The following DGKQ variants were observed in gnomAD, a reference collection of about 807,000 sequenced individuals.
The protein encoded by DGKQ is diacylglycerol kinase theta, also known as DAG kinase theta.
In DGKQ, 97 loss-of-function variants were observed where a neutral mutation model predicts 104.2. That is an observed-to-expected ratio of 0.93 (90% CI 0.79 to 1.10). DGKQ has a LOEUF of 1.10. Among genes scored for constraint, DGKQ ranks in the 50% least tolerant of loss-of-function variants. The pLI is 0.00. For missense variants in DGKQ, 1,465 were observed against 1,352.1 expected (o/e 1.08, Z -1.31); for synonymous variants, 736 against 595.2 (o/e 1.24, Z -3.44).
Position 961,078 on chromosome 4 carries a change from G to A in DGKQ, c.2698C>T (p.His900Tyr), listed in dbSNP as rs201491669. The change falls in exon 22 of 23, where the codon CAC (histidine) becomes TAC (tyrosine). Residue 900 changes from histidine (H) to tyrosine (Y), a missense_variant. His to Tyr is a moderately conservative substitution (Grantham distance 83). Coordinates refer to ENST00000273814, the MANE Select transcript of DGKQ (RefSeq NM_001347.4). ...DGEPWVQAPGHMIISAAGPKV... is the reference protein window; with the variant it reads ...DGEPWVQAPGYMIISAAGPKV... ...GGGCCAGCAGCTGAGATGATCATGT[G>A]CCCCGGGGCCTGGACCCAGGGCTCC... The A allele has an allele frequency of 2.7e-5, 44 of 1,612,186 alleles. No homozygotes were observed. Among genetic ancestry groups the A allele is most frequent in the Non-Finnish European group, 2.3e-5 (27 of 1,179,646 alleles).
In DGKQ at chr4:967,637, A is replaced by G; in HGVS notation, c.899T>C (p.Leu300Pro). ...CGCGTCGTCGCCATCAAAGATCTTC[A>G]GCGTTTGCTTCCCTGGGCCGGGTAA... Reference protein sequence around the residue: ...QATPESGKQTLKIFDGDDAVR... With the variant: ...QATPESGKQTPKIFDGDDAVR... The change falls in exon 8 of 23, where the codon CTG (leucine) becomes CCG (proline). Residue 300 changes from leucine to proline, a missense_variant. Transcript: ENST00000273814. The G allele has an allele frequency of 1.2e-6, 2 of 1,612,462 alleles. No homozygotes were observed. Among genetic ancestry groups the G allele is most frequent in the South Asian group, 1.1e-5 (1 of 91,072 alleles).
rs562058848 is a variant in DGKQ, at chr4:973,538, C to T, written c.-56G>A. 2.1e-3 allele frequency: 2,046 copies of T among 985,218 alleles called. 2 individuals are homozygous for T. Among genetic ancestry groups the T allele is most frequent in the Middle Eastern group, 8.3e-3 (16 of 1,922 alleles). The allele number at this position is 985,218 out of a possible 1,614,324, so 61.0% of individuals were successfully genotyped here. ...GTCCGCGCCGGGGGTACAGGAGCCG[C>T]CGCTCCACGGCCCGGTACACTGCTT... On this transcript the variant is annotated 5_prime_UTR_variant, in exon 1 of 23. Transcript: ENST00000273814.
intron 15 of DGKQ, 38 bp downstream of exon 15, chr4:965,138 C>A: frequency 1.3e-6 from 2 of 1,579,862 alleles, no homozygotes; most frequent in Non-Finnish European, 1.7e-6. Context: ...TGGCCACCCC[C>A]TGGGGTGTGT....
Position 966,447 on chromosome 4 carries a change from G to T in DGKQ, c.1428+19C>A. The T allele has an allele frequency of 1.9e-6, 3 of 1,610,866 alleles. No homozygotes were observed. The highest frequency in any genetic ancestry group is 2.5e-6 in the Non-Finnish European group (3 of 1,178,616). ...GAGGGCTGCTGGTTCCCTGGGGGCC[G>T]GCGTCCACACCCACTCACCTGCCGG... On this transcript the variant is annotated intron_variant, in intron 12 of 22. Coordinates refer to ENST00000273814, the MANE Select transcript of DGKQ (RefSeq NM_001347.4).
Position 959,379 on chromosome 4 carries a change from C to T in DGKQ, c.*1241G>A, listed in dbSNP as rs1711690985. On this transcript the variant is annotated 3_prime_UTR_variant, in exon 23 of 23. Coordinates refer to ENST00000273814, the MANE Select transcript of DGKQ (RefSeq NM_001347.4). ...GAAGGGGGAGATCCGCACCGTGGGA[C>T]CGTTTCTCGTGGGGGAGTCGGGGCT... The T allele has an allele frequency of 6.8e-6, 1 of 146,370 alleles. No homozygotes were observed. Among genetic ancestry groups the T allele is most frequent in the Admixed American group, 7.0e-5 (1 of 14,214 alleles). The allele number at this position is 146,370 out of a possible 1,614,324, so 9.1% of individuals were successfully genotyped here. A position where few individuals can be genotyped will look rare whatever the true frequency, so the allele number is the denominator to read the frequency against.
intron 15 of DGKQ, among the ~76,000 whole-genome samples, 197 bp downstream of exon 15, chr4:964,979 G>A (rs1712187671): frequency 6.6e-6 from 1 of 152,190 alleles, no homozygotes; most frequent in African/African-American, 2.4e-5. Context: ...GCCCCTTGCT[G>A]TAAAACGGGC....
chr4:972,306 G>A (rs1472438851), intron 1 of DGKQ, among the ~76,000 whole-genome samples: 3 of 152,174 alleles, frequency 2.0e-5, no homozygotes, highest in African/African-American at 4.8e-5. Context: ...ATGCTCTGAC[G>A]TGACAAAGAA....
Position 973,228 on chromosome 4 carries a change from G to A in DGKQ, c.255C>T (p.Ala85=). 1.3e-6 allele frequency: 2 copies of A among 1,561,824 alleles called. No homozygotes were observed. Among genetic ancestry groups the A allele is most frequent in the South Asian group, 1.2e-5 (1 of 85,806 alleles). ...GGCGCTCACCGTCGCACAGGAAGCCGGCCAGCCCCCAGATGAAGTCGGAGC... is the reference window on the plus strand; with the variant it reads ...GGCGCTCACCGTCGCACAGGAAGCCAGCCAGCCCCCAGATGAAGTCGGAGC... ...HLCSDFIWGL[A]GFLCDVCNFM... is the part of the protein sequence containing the mutation. Residue 85 remains alanine (A), a synonymous_variant, in exon 1 of 23, where the codon GCC becomes GCT. Transcript: ENST00000273814.
Position 967,991 on chromosome 4 carries a change from A to G in DGKQ, c.700T>C (p.Cys234Arg). The G allele has an allele frequency of 6.8e-7, 1 of 1,468,044 alleles. No individual in the cohort carries two copies. Among genetic ancestry groups the G allele is most frequent in the Non-Finnish European group, 8.9e-7 (1 of 1,118,604 alleles). 90.9% of individuals were successfully genotyped at this position (1,468,044 alleles called of 1,614,324 possible). ...SLCSAALAPE[C>R]GFGRLRSLVL... ...AGGGAGCGCAGACGCCCGAAGCCAC[A>G]CTCGGGAGCCAGCGCCGCGGAGCAG... is the stretch of plus-strand genomic sequence containing the variant. Residue 234 changes from cysteine to arginine, a missense_variant, in exon 6 of 23, where the codon TGT (cysteine) becomes CGT (arginine). Physicochemically the swap from Cys to Arg is radical, Grantham distance 180 (BLOSUM62 -3). Coordinates refer to ENST00000273814, the MANE Select transcript of DGKQ (RefSeq NM_001347.4).
Position 962,908 on chromosome 4 carries a change from G to A in DGKQ, c.1899C>T (p.Phe633=), listed in dbSNP as rs778059808. The stretch of plus-strand genomic sequence containing the variant: ...GCACCCGGAAGCAGGGCACCTGGGA[G>A]AACAGGTGGAGCCTAGCGGGAGACA... ...NGGPLPGLHL[F]SQVPCFRVLV... Residue 633 remains phenylalanine, a synonymous_variant, in exon 17 of 23, where the codon TTC becomes TTT. Transcript: ENST00000273814. 3 of 1,608,912 alleles carry A rather than the reference G, an allele frequency of 1.9e-6. No individual in the cohort carries two copies. The highest frequency in any genetic ancestry group is 1.7e-6 in the Non-Finnish European group (2 of 1,178,302).
Position 966,735 on chromosome 4 carries a change from G to A in DGKQ, c.1366+13C>T. ...GCAGGGACCGCCACGCCCAGCACGG[G>A]CTGTCTACTCACCGTGCCTGCAGCC... is the stretch of plus-strand genomic sequence containing the variant. On this transcript the variant is annotated intron_variant, in intron 11 of 22. Transcript: ENST00000273814. The A allele has an allele frequency of 2.5e-6, 4 of 1,604,074 alleles. No individual in the cohort carries two copies. Among genetic ancestry groups the A allele is most frequent in the Non-Finnish European group, 2.6e-6 (3 of 1,175,690 alleles).
chr4:969,346 A>G (rs1375865707), intron 2 of DGKQ, among the ~76,000 whole-genome samples: 3 of 152,224 alleles, frequency 2.0e-5, no homozygotes, highest in Non-Finnish European at 4.4e-5. Context: ...CCGAGCCAGG[A>G]AGATCCCAGC....
chr4:970,783 T>C (rs929660212), intron 2 of DGKQ, among the ~76,000 whole-genome samples: 2 of 152,226 alleles, frequency 1.3e-5, no homozygotes, highest in Non-Finnish European at 2.9e-5. Context: ...ATCTTGCTAT[T>C]TGCGACCTCG....
chr4:965,937 C>T lies in DGKQ; in HGVS notation c.1570G>A (p.Ala524Thr), dbSNP rs554710416. 5 of 1,601,934 alleles carry T rather than the reference C, an allele frequency of 3.1e-6. No individual in the cohort carries two copies. The highest frequency in any genetic ancestry group is 2.7e-5 in the African/African-American group (2 of 74,916). ...GCCACAGTGGTCACACCTTTGGTAG[C>T]CCCGGCCTCATGCAGCAGGCTGCTG... ...EYSSLLHEAGATKATVVSVSH... is the reference protein window; with the variant it reads ...EYSSLLHEAGTTKATVVSVSH... Residue 524 changes from alanine to threonine, a missense_variant, in exon 13 of 23, where the codon GCT becomes ACT. By Grantham distance (58) the Ala-to-Thr change is moderately conservative. Transcript: ENST00000273814.
chr4:960,781 G>A (rs1412889062), intron 22 of DGKQ, 60 bp from the exon 23 acceptor site: 17 of 1,584,566 alleles, frequency 1.1e-5, no homozygotes, highest in Admixed American at 3.4e-5. Flanking sequence ...AACGGTACAC[G>A]GGCAGCCCCC....
chr4:973,459 C>T lies in DGKQ; in HGVS notation c.24G>A (p.Gly8=). 1 of 986,626 alleles carries T rather than the reference C, an allele frequency of 1.0e-6. No homozygotes were observed. Among genetic ancestry groups the T allele is most frequent in the Non-Finnish European group, 1.2e-6 (1 of 831,954 alleles). The allele number at this position is 986,626 out of a possible 1,614,324, so 61.1% of individuals were successfully genotyped here. A position where few individuals can be genotyped will look rare whatever the true frequency, so the allele number is the denominator to read the frequency against. ...AGCCGCCGCCCAGCCAGGCGCGGGC[C>T]CCGGGCTCGGCCGCCGCCGCCATTC... The part of the protein sequence containing the change: MAAAAEP[G]ARAWLGGGSP... Residue 8 remains glycine (G), a synonymous_variant, in exon 1 of 23, where the codon GGG becomes GGA. Coordinates refer to ENST00000273814, the MANE Select transcript of DGKQ (RefSeq NM_001347.4).
chr4:964,359 C>T lies in DGKQ; in HGVS notation c.1734+817G>A, dbSNP rs956764877. Among the ~76,000 whole-genome samples the T allele has an allele frequency of 2.0e-5, 3 of 152,346 alleles. No individual in the cohort carries two copies. The South Asian group carries it at 6.2e-4, about 32-fold the overall frequency. ...CAAGGGTCAAGGTTCAGGGGTAGAACAGCCATGGACACCTGGGGGGTCCTC... is the reference window on the plus strand; with the variant it reads ...CAAGGGTCAAGGTTCAGGGGTAGAATAGCCATGGACACCTGGGGGGTCCTC... On this transcript the variant is annotated intron_variant, in intron 15 of 22. Coordinates refer to ENST00000273814, the MANE Select transcript of DGKQ (RefSeq NM_001347.4).
rs1473822652 is a variant in DGKQ at position 968,011 on chromosome 4, G to A, written c.680C>T (p.Ser227Phe). The change falls in exon 6 of 23, where the codon TCC becomes TTC. Residue 227 changes from serine (S) to phenylalanine (F), a missense_variant. Coordinates refer to ENST00000273814, the MANE Select transcript of DGKQ (RefSeq NM_001347.4). ...WCGVQAHSLC[S>F]AALAPECGFG... The stretch of plus-strand genomic sequence containing the variant: ...GCCACACTCGGGAGCCAGCGCCGCG[G>A]AGCAGAGGGAGTGCGCCTGGGGGGA... The A allele has an allele frequency of 1.4e-6, 2 of 1,441,668 alleles. No homozygotes were observed. The highest frequency in any genetic ancestry group is 1.8e-6 in the Non-Finnish European group (2 of 1,106,360). The allele number at this position is 1,441,668 out of a possible 1,614,324, so 89.3% of individuals were successfully genotyped here.
Position 967,916 on chromosome 4 carries a change from T to C in DGKQ, c.775A>G (p.Thr259Ala). Residue 259 changes from threonine to alanine, a missense_variant, in exon 6 of 23, where the codon ACG (threonine) becomes GCG (alanine). Thr to Ala is a moderately conservative substitution (Grantham distance 58). Coordinates refer to ENST00000273814, the MANE Select transcript of DGKQ (RefSeq NM_001347.4). ...GCCTCCACGATGCGGAAGCTCTGCG[T>C]CTTGCTGAAGCCGCCGGGCAGAAGG... ...VRLLPGGFSK[T>A]QSFRIVEAAE... The C allele has an allele frequency of 1.4e-6, 2 of 1,462,518 alleles. No homozygotes were observed. The highest frequency in any genetic ancestry group is 9.0e-7 in the Non-Finnish European group (1 of 1,115,764). 90.6% of individuals were successfully genotyped at this position (1,462,518 alleles called of 1,614,324 possible).
Sources: gnomAD v4.1 joint callset for allele counts (sites outside exome capture counted in the v4.1 genomes callset) on GRCh38, gnomAD v4.1.1 for gene constraint, MANE v1.5 for transcripts, NCBI Gene and HGNC (gene_info 2026-07-23, HGNC 2026-07-21) for gene names.